The following WSB2 variants were observed in gnomAD, a reference collection of about 807,000 sequenced individuals.
The protein encoded by WSB2 is WD repeat and SOCS box containing 2, also known as WD repeat and SOCS box-containing protein 2.
Under a neutral mutation model 48.8 loss-of-function variants are expected in WSB2, and 12 were observed. That is an observed-to-expected ratio of 0.25 (90% CI 0.16 to 0.40). WSB2 has a LOEUF of 0.40. Among genes scored for constraint, WSB2 ranks in the 10% least tolerant of loss-of-function variants. The pLI, the probability that WSB2 is intolerant of heterozygous loss-of-function variation, is 1.00. For synonymous variants in WSB2, 191 were observed against 203.1 expected (o/e 0.94, Z 0.51); for missense variants, 317 against 506.2 (o/e 0.63, Z 3.59).
intron 1 of WSB2, among the ~76,000 whole-genome samples, chr12:118,053,741 A>T (rs566877618): frequency 6.6e-6 from 1 of 152,270 alleles, no homozygotes; most frequent in East Asian, 1.9e-4. Context: ...GACCATTATG[A>T]CTGTGATACT....
At chr12:118,036,989 T>C (rs112510763) in intron 5 of WSB2, among the ~76,000 whole-genome samples, 25,888 of 151,632 alleles carry the variant, frequency 0.17, 2,172 homozygotes, top group African/African-American at 0.19. Context: ...CAAGACCAGC[T>C]TGGTCAACAT....
intron 1 of WSB2, among the ~76,000 whole-genome samples, chr12:118,054,681 A>AAAT (rs57072102): frequency 0.044 from 5,683 of 130,552 alleles, 109 homozygotes; most frequent in Middle Eastern, 0.12. Flanking sequence ...CTGTCTCAAA[A>AAAT]AATAATAATA....
chr12:118,055,582 A>G (rs2031940875), intron 1 of WSB2, among the ~76,000 whole-genome samples: 1 of 137,158 alleles, frequency 7.3e-6, no homozygotes, highest in South Asian at 2.4e-4. Context: ...AACATTCACA[A>G]TTGGTTCACT....
In WSB2 at chr12:118,060,704, C is replaced by A. The variant is rs958246933; in HGVS notation, c.13+332G>T. ...GGGGCACCCACCCCCTTGGGGATCT[C>A]CGTTTTAGGGCTTGGTGCCCCCCGC... On this transcript the variant is annotated intron_variant, in intron 1 of 8. Coordinates refer to ENST00000315436, the MANE Select transcript of WSB2 (RefSeq NM_018639.5). The surrounding 1 kb of genome is among the most constrained non-coding windows in gnomAD (Gnocchi z 4.1). Among the ~76,000 whole-genome samples the A allele has an allele frequency of 6.6e-6, 1 of 152,072 alleles. No individual in the cohort carries two copies. Among genetic ancestry groups the A allele is most frequent in the Admixed American group, 6.5e-5 (1 of 15,278 alleles).
upstream of WSB2, chr12:118,061,301 G>T: frequency 6.2e-6 from 4 of 642,510 alleles, no homozygotes; most frequent in Non-Finnish European, 5.8e-6. Flanking sequence ...TGGAAAATCG[G>T]GGAGGCGGTA....
intron 4 of WSB2, among the ~76,000 whole-genome samples, chr12:118,042,188 T>C (rs1207317893): frequency 6.6e-6 from 1 of 152,226 alleles, no homozygotes; most frequent in African/African-American, 2.4e-5. Context: ...AGAATTATTC[T>C]AGGCTTAGAG....
chr12:118,055,150 A>G (rs935853356), intron 1 of WSB2, among the ~76,000 whole-genome samples: 1 of 152,198 alleles, frequency 6.6e-6, no homozygotes, highest in African/African-American at 2.4e-5. Context: ...CATTTATACA[A>G]TCACATGTGT....
chr12:118,049,206 A>G (rs976523674), intron 2 of WSB2, among the ~76,000 whole-genome samples: 5 of 152,198 alleles, frequency 3.3e-5, no homozygotes, highest in Non-Finnish European at 7.3e-5. Context: ...TTATCATTAA[A>G]CTGACCACAG....
In WSB2 at chr12:118,052,333, G is replaced by T. The variant is rs778487854; in HGVS notation, c.159C>A (p.Ile53=). ...WSQGHCIVKL[I]PWPLEEQFIP... is the part of the protein sequence containing the mutation. Reference sequence around the variant, plus strand: ...ACAACTGCTCCTCCAACGGCCAGGGGATCAGTTTGACGATGCAGTGTCCTT... The same window carrying T: ...ACAACTGCTCCTCCAACGGCCAGGGTATCAGTTTGACGATGCAGTGTCCTT... The change falls in exon 2 of 9, where the codon ATC becomes ATA. Residue 53 remains isoleucine, a synonymous_variant. Transcript: ENST00000315436. 4.3e-6 allele frequency: 7 copies of T among 1,614,118 alleles called. No individual in the cohort carries two copies. The Admixed American group carries it at 1.0e-4, about 23-fold the overall frequency.
chr12:118,045,057 G>T lies in WSB2; in HGVS notation c.183-1680C>A, dbSNP rs940336155. 3.9e-5 allele frequency among the ~76,000 whole-genome samples: 6 copies of T among 152,128 alleles called. No individual in the cohort carries two copies. The East Asian group carries it at 1.2e-3, about 29-fold the overall frequency. ...AAAATTCTAAGTAAATCACATTTTT[G>T]TCAATTGTGTGGTGAAATACACAAA... On this transcript the variant is annotated intron_variant, in intron 2 of 8. Coordinates refer to ENST00000315436, the MANE Select transcript of WSB2 (RefSeq NM_018639.5).
chr12:118,058,624 C>T (rs1289492735), intron 1 of WSB2, among the ~76,000 whole-genome samples: 1 of 152,066 alleles, frequency 6.6e-6, no homozygotes, highest in African/African-American at 2.4e-5. Flanking sequence ...ACTGCTGGGC[C>T]ACTGCGCCTG....
At chr12:118,042,107 T>A (rs1407779475) in intron 4 of WSB2, among the ~76,000 whole-genome samples, 1 of 152,216 alleles carries the variant, frequency 6.6e-6, no homozygotes, top group African/African-American at 2.4e-5. Context: ...ATGGAATTCC[T>A]TATTGGGCCA....
At chr12:118,058,799 C>A (rs956231088) in intron 1 of WSB2, among the ~76,000 whole-genome samples, 1 of 151,816 alleles carries the variant, frequency 6.6e-6, no homozygotes, top group Non-Finnish European at 1.5e-5. Context: ...CCAGTTCAAG[C>A]GGTTCTCCTG....
intron 7 of WSB2, 44 bp from the exon 8 acceptor site, chr12:118,035,137 C>A: frequency 3.1e-6 from 5 of 1,612,518 alleles, no homozygotes; most frequent in Non-Finnish European, 4.2e-6. Flanking sequence ...TGACCCAGGG[C>A]CAGACCAAGA....
In WSB2 at chr12:118,033,030, G is replaced by A. The variant is rs1450851194; in HGVS notation, c.*1166C>T. Reference sequence around the variant, plus strand: ...CAACTTTCTCAACGAGTCATGTAACGTTACACTGGCCTCCATAAAGCACCG... The same window carrying A: ...CAACTTTCTCAACGAGTCATGTAACATTACACTGGCCTCCATAAAGCACCG... On this transcript the variant is annotated 3_prime_UTR_variant, in exon 9 of 9. Coordinates refer to ENST00000315436, the MANE Select transcript of WSB2 (RefSeq NM_018639.5). 5 of 152,120 alleles carry A rather than the reference G, an allele frequency of 3.3e-5. No individual in the cohort carries two copies. Among genetic ancestry groups the A allele is most frequent in the Admixed American group, 2.0e-4 (3 of 15,268 alleles). The allele number at this position is 152,120 out of a possible 1,614,324, so 9.4% of individuals were successfully genotyped here. A position where few individuals can be genotyped will look rare whatever the true frequency, so the allele number is the denominator to read the frequency against.
At chr12:118,058,203 A>T (rs2031997171) in intron 1 of WSB2, among the ~76,000 whole-genome samples, 1 of 152,146 alleles carries the variant, frequency 6.6e-6, no homozygotes, top group East Asian at 1.9e-4. Flanking sequence ...TTTTTCCTGT[A>T]TCAGGACATG....
intron 1 of WSB2, among the ~76,000 whole-genome samples, chr12:118,058,806 C>CGG (rs1335053053): frequency 1.3e-5 from 2 of 151,982 alleles, no homozygotes; most frequent in Non-Finnish European, 2.9e-5. Context: ...AAGCGGTTCT[C>CGG]CTGCCTCAGC....
chr12:118,049,028 A>T (rs1366116332), intron 2 of WSB2, among the ~76,000 whole-genome samples: 1 of 152,230 alleles, frequency 6.6e-6, no homozygotes, highest in Non-Finnish European at 1.5e-5. Context: ...TGAAAACAAG[A>T]GTGATTTTCA....
At chr12:118,036,071 G>A (rs1365231832) in intron 6 of WSB2, 19 of 247,324 alleles carry the variant, frequency 7.7e-5, no homozygotes, top group African/African-American at 3.1e-4. Flanking sequence ...GCCTGGTGGC[G>A]CACGCTTGTA....
Sources: gnomAD v4.1 joint callset for allele counts (sites outside exome capture counted in the v4.1 genomes callset) on GRCh38, gnomAD v4.1.1 for gene constraint, Gnocchi (gnomAD v3.1) non-coding constraint, MANE v1.5 for transcripts, NCBI Gene and HGNC (gene_info 2026-07-23, HGNC 2026-07-21) for gene names.